Variants in PDE7B observed in about 807,000 individuals in gnomAD.
The protein encoded by PDE7B is phosphodiesterase 7B, also known as 3',5'-cyclic-AMP phosphodiesterase 7B.
PDE7B carries 29 observed loss-of-function variants against 56.2 expected under a neutral mutation model. That is an observed-to-expected ratio of 0.52 (90% CI 0.38 to 0.70). PDE7B has a LOEUF of 0.70. Ranked by LOEUF, PDE7B falls within the 30% of genes least tolerant of loss-of-function variation. The pLI, the probability that PDE7B is intolerant of heterozygous loss-of-function variation, is 0.00. For synonymous variants in PDE7B, 197 were observed against 196.9 expected (o/e 1.00, Z 0.00); for missense variants, 490 against 565.0 (o/e 0.87, Z 1.35).
intron 2 of PDE7B, among the ~76,000 whole-genome samples, chr6:135,994,196 G>A (rs9689126): frequency 0.01 from 1,568 of 151,460 alleles, 32 homozygotes; most frequent in African/African-American, 0.035. Context: ...AGGTGGGAAG[G>A]AGAGGACATT....
chr6:136,101,018 T>A (rs1280892935), intron 2 of PDE7B, among the ~76,000 whole-genome samples: 1 of 152,246 alleles, frequency 6.6e-6, no homozygotes, highest in Non-Finnish European at 1.5e-5. Flanking sequence ...TCTATTGAGA[T>A]AATCATGTGG....
intron 1 of PDE7B, among the ~76,000 whole-genome samples, chr6:135,946,808 T>C (rs879642281): frequency 6.6e-6 from 1 of 152,098 alleles, no homozygotes; most frequent in Non-Finnish European, 1.5e-5. Context: ...TAACGCTTTG[T>C]CAATATACTC....
At chr6:136,082,787 A>T (rs1777227481) in intron 2 of PDE7B, among the ~76,000 whole-genome samples, 1 of 152,198 alleles carries the variant, frequency 6.6e-6, no homozygotes, top group South Asian at 2.1e-4. Context: ...ATGAAGTGAG[A>T]GCAATGGGAG....
At chr6:136,125,051 A>G (rs1318391800) in intron 3 of PDE7B, among the ~76,000 whole-genome samples, 1 of 152,250 alleles carries the variant, frequency 6.6e-6, no homozygotes, top group African/African-American at 2.4e-5. Flanking sequence ...AGAAAATTAT[A>G]GGGTGTGACT....
chr6:136,035,713 C>T (rs557006127), intron 2 of PDE7B, among the ~76,000 whole-genome samples: 7 of 152,200 alleles, frequency 4.6e-5, no homozygotes, highest in Admixed American at 6.5e-5. Context: ...AGGAAGTATT[C>T]GTGCTCAGTG....
chr6:135,866,778 G>C (rs144248843), intron 1 of PDE7B, among the ~76,000 whole-genome samples: 1 of 152,134 alleles, frequency 6.6e-6, no homozygotes, highest in African/African-American at 2.4e-5. Context: ...TAGTGCATAC[G>C]TGTCGTAAAC....
intron 2 of PDE7B, among the ~76,000 whole-genome samples, chr6:136,007,702 G>T (rs578088482): frequency 6.6e-6 from 1 of 151,742 alleles, no homozygotes; most frequent in South Asian, 2.1e-4. Context: ...GTCTTGGGAG[G>T]GTGTATATGT....
intron 1 of PDE7B, among the ~76,000 whole-genome samples, chr6:135,916,906 ATATCT>A (rs1266713723): frequency 6.6e-6 from 1 of 151,978 alleles, no homozygotes; most frequent in Admixed American, 6.5e-5. Context: ...AATGTAATTC[ATATCT>A]TATAAAGTAT....
At chr6:136,118,300 A>G (rs1777873452) in intron 3 of PDE7B, among the ~76,000 whole-genome samples, 1 of 152,206 alleles carries the variant, frequency 6.6e-6, no homozygotes, top group Non-Finnish European at 1.5e-5. Flanking sequence ...TCTCCCAGAA[A>G]GCATTATCAC....
intron 2 of PDE7B, chr6:136,038,072 G>A: frequency 7.5e-7 from 1 of 1,338,088 alleles, no homozygotes; most frequent in Non-Finnish European, 9.9e-7. Flanking sequence ...GTTTGTGGAG[G>A]GCCTGAAGAG....
chr6:136,186,605 G>C (rs951815710), intron 11 of PDE7B, among the ~76,000 whole-genome samples: 6 of 152,130 alleles, frequency 3.9e-5, no homozygotes, highest in African/African-American at 1.4e-4. Flanking sequence ...CCTACTTACT[G>C]TTCCTGGTTG....
chr6:135,990,174 C>T (rs571870161), intron 2 of PDE7B, among the ~76,000 whole-genome samples: 15 of 151,302 alleles, frequency 9.9e-5, no homozygotes, highest in African/African-American at 3.6e-4. Context: ...CGGCTCACTG[C>T]AACCTCCACC....
intron 2 of PDE7B, among the ~76,000 whole-genome samples, chr6:136,058,504 G>T (rs1259465708): frequency 6.6e-6 from 1 of 152,074 alleles, no homozygotes. Flanking sequence ...AGGGAATTAA[G>T]AAAAAAGAAT....
At chr6:136,092,504 T>A (rs1777405194) in intron 2 of PDE7B, among the ~76,000 whole-genome samples, 1 of 152,200 alleles carries the variant, frequency 6.6e-6, no homozygotes, top group South Asian at 2.1e-4. Flanking sequence ...CTCATGCCTG[T>A]AATCCCAGCA....
At chr6:136,112,883 C>T (rs983644685) in intron 3 of PDE7B, among the ~76,000 whole-genome samples, 1 of 151,278 alleles carries the variant, frequency 6.6e-6, no homozygotes, top group African/African-American at 2.5e-5. Flanking sequence ...TATAAGGTGA[C>T]TCTTGGTTTG....
intron 2 of PDE7B, among the ~76,000 whole-genome samples, chr6:136,045,305 GAATTGACTTCAATCTCTA>G (rs1176111404): frequency 2.6e-5 from 4 of 151,836 alleles, no homozygotes; most frequent in African/African-American, 9.7e-5. Flanking sequence ...TTTCTCTTTG[GAATTGACTTCAATCTCTA>G]AAATGCCAAA....
intron 2 of PDE7B, among the ~76,000 whole-genome samples, chr6:136,068,710 CG>C (rs1776993385): frequency 6.6e-6 from 1 of 152,094 alleles, no homozygotes; most frequent in Non-Finnish European, 1.5e-5. Context: ...GGATTACAGG[CG>C]TGAGCCACCG....
chr6:135,980,073 G>A (rs1327174286), intron 2 of PDE7B, among the ~76,000 whole-genome samples: 1 of 152,124 alleles, frequency 6.6e-6, no homozygotes, highest in Non-Finnish European at 1.5e-5. Flanking sequence ...AAACAGCATG[G>A]TACTGGTACC....
intron 2 of PDE7B, among the ~76,000 whole-genome samples, chr6:136,023,006 A>C (rs1583833566): frequency 6.6e-6 from 1 of 151,926 alleles, no homozygotes; most frequent in Non-Finnish European, 1.5e-5. Flanking sequence ...GAAAAAAAAA[A>C]CCAGCTCACT....
Sources: allele counts gnomAD v4.1 joint callset (sites outside exome capture counted in the v4.1 genomes callset), GRCh38; gene constraint gnomAD v4.1.1; transcripts MANE v1.5; gene names NCBI Gene and HGNC (gene_info 2026-07-23, HGNC 2026-07-21).